The following SOX30 variants were observed in gnomAD, a reference collection of about 807,000 sequenced individuals.
The protein encoded by SOX30 is SRY-box transcription factor 30.
In SOX30, 17 loss-of-function variants were observed where a neutral mutation model predicts 58.6. The ratio of observed to expected loss-of-function variants is 0.29; its 90% confidence interval spans 0.20 to 0.44. The LOEUF (loss-of-function observed/expected upper bound fraction) is 0.44. Among genes scored for constraint, SOX30 ranks in the 20% least tolerant of loss-of-function variants. The pLI is 1.00. For synonymous variants in SOX30, 421 were observed against 400.2 expected, an observed-to-expected ratio of 1.05 and a Z score of -0.62; for missense variants, 951 against 965.8, an observed-to-expected ratio of 0.98 and a Z score of 0.20.
At chr5:157,636,208 G>T (rs1758924359) in intron 4 of SOX30, among the ~76,000 whole-genome samples, 1 of 152,192 alleles carries the variant, frequency 6.6e-6, no homozygotes, top group African/African-American at 2.4e-5. Flanking sequence ...CACCTATCCT[G>T]TGAGTAAATA....
intron 2 of SOX30, among the ~76,000 whole-genome samples, chr5:157,660,027 G>A (rs187207787): frequency 1.2e-4 from 19 of 152,150 alleles, no homozygotes; most frequent in African/African-American, 4.6e-4. Flanking sequence ...CTATGTTAAT[G>A]CTGGTCAGCT....
At chr5:157,651,051 A>G (rs1291563466) in intron 1 of SOX30, 61 bp downstream of exon 1, 1 of 1,306,090 alleles carries the variant, frequency 7.7e-7, no homozygotes, top group Non-Finnish European at 1.0e-6. Context: ...AACTGCTGAC[A>G]AAACAGCTAT....
chr5:157,664,493 A>G (rs1158869482), intron 2 of SOX30, among the ~76,000 whole-genome samples: 2 of 152,252 alleles, frequency 1.3e-5, no homozygotes, highest in Admixed American at 6.5e-5. Flanking sequence ...TAAAAACCCT[A>G]GAAGAAAACC....
rs1266891565 is a variant in SOX30 at position 157,651,601 on chromosome 5, G to C, written c.478C>G (p.Pro160Ala). 6.2e-7 allele frequency: 1 copy of C among 1,613,020 alleles called. No individual in the cohort carries two copies. The highest frequency in any genetic ancestry group is 1.1e-5 in the South Asian group (1 of 91,092). Residue 160 changes from proline (P) to alanine (A), a missense_variant, in exon 1 of 5, where the codon CCT becomes GCT. Transcript: ENST00000265007. The part of the protein sequence containing the change: ...VGPRGAVETG[P>A]RASRVVKLEG... ...AACTTGACCACCCTGGAGGCTCTAGGACCGGTTTCGACGGCCCCTCGAGGC... is the reference window on the plus strand; with the variant it reads ...AACTTGACCACCCTGGAGGCTCTAGCACCGGTTTCGACGGCCCCTCGAGGC...
At chr5:157,630,395 T>C (rs1313731655) in intron 4 of SOX30, among the ~76,000 whole-genome samples, 1 of 152,214 alleles carries the variant, frequency 6.6e-6, no homozygotes, top group African/African-American at 2.4e-5. Context: ...CTGGATGTTT[T>C]GAATATTATA....
intron 2 of SOX30, among the ~76,000 whole-genome samples, chr5:157,665,767 T>G (rs1434026309): frequency 6.6e-6 from 1 of 150,836 alleles, no homozygotes; most frequent in Non-Finnish European, 1.5e-5. Flanking sequence ...TGACATCTAT[T>G]GTGTATTATT....
Position 157,638,445 on chromosome 5 carries a change from G to A in SOX30, c.1665C>T (p.Ala555=). ...GTTGGATGGTCGAAGTTGCAAATCTGGCATGGGCAGTACTTGCACTACTTG... is the reference window on the plus strand; with the variant it reads ...GTTGGATGGTCGAAGTTGCAAATCTAGCATGGGCAGTACTTGCACTACTTG... ...RISSSASTAH[A]RFATSTIQPP... The change falls in exon 4 of 5, where the codon GCC becomes GCT. Residue 555 remains alanine (A), a synonymous_variant. Transcript: ENST00000265007. The A allele has an allele frequency of 6.2e-7, 1 of 1,614,176 alleles. No homozygotes were observed. Among genetic ancestry groups the A allele is most frequent in the Non-Finnish European group, 8.5e-7 (1 of 1,180,012 alleles).
intron 4 of SOX30, among the ~76,000 whole-genome samples, chr5:157,631,764 CAA>C (rs70984477): frequency 6.0e-3 from 509 of 84,616 alleles, no homozygotes; most frequent in Non-Finnish European, 0.01. Context: ...GAACTCGTCT[CAA>C]AAAAAAAAAA....
At chr5:157,627,963 C>T (rs1301636409) in intron 4 of SOX30, among the ~76,000 whole-genome samples, 1 of 150,846 alleles carries the variant, frequency 6.6e-6, no homozygotes, top group African/African-American at 2.4e-5. Context: ...CACCACACTC[C>T]AGCCTGGGTG....
Position 157,667,726 on chromosome 5 carries a change from G to A in SOX30, c.52+72C>T, listed in dbSNP as rs1343646601. ...TGCCCTCCAGCCTGGGCGACAGAGC[G>A]AGACTCCATCTCAGAATACATACAT... On this transcript the variant is annotated intron_variant, in intron 2 of 5. Coordinates refer to the SOX30 transcript ENST00000519442. 18 of 1,511,502 alleles carry A rather than the reference G, an allele frequency of 1.2e-5. No individual in the cohort carries two copies. In the Admixed American group the frequency reaches 2.3e-4, roughly 19 times the overall value. 93.6% of individuals were successfully genotyped at this position (1,511,502 alleles called of 1,614,324 possible).
At chr5:157,632,957 C>T (rs1181607939) in intron 4 of SOX30, among the ~76,000 whole-genome samples, 2 of 151,672 alleles carry the variant, frequency 1.3e-5, no homozygotes, top group African/African-American at 4.8e-5. Context: ...GGCATGGTAG[C>T]ATGTACCTGT....
At position 157,651,844 on chromosome 5, in the gene SOX30, A is replaced by G. The variant is rs1367537341; in HGVS notation, c.235T>C (p.Leu79=). The change falls in exon 1 of 5, where the codon TTG becomes CTG. Residue 79 remains leucine (L), a synonymous_variant. Transcript: ENST00000265007. ...RLLQVKPEQV[L]LLPQPQAQNE... ...TGGGCCTGAGGCTGTGGTAGCAGCA[A>G]CACCTGCTCTGGCTTCACCTGCAGC... is the stretch of plus-strand genomic sequence containing the variant. The G allele has an allele frequency of 2.5e-6, 4 of 1,584,156 alleles. No individual in the cohort carries two copies. The African/African-American group carries it at 5.4e-5, about 21-fold the overall frequency.
rs7731627 is a variant in SOX30, at chr5:157,663,986, A to G, written c.52+3812T>C. Among the ~76,000 whole-genome samples, 1,300 of 152,116 alleles carry G rather than the reference A, an allele frequency of 8.5e-3. 14 individuals are homozygous for G. Among genetic ancestry groups the G allele is most frequent in the African/African-American group, 0.029 (1,206 of 41,462 alleles). Reference sequence around the variant, plus strand: ...ATGAAAGAACATTCCATGCTCATGGATAGGAAGAATCAATATCATGAAAAT... The same window carrying G: ...ATGAAAGAACATTCCATGCTCATGGGTAGGAAGAATCAATATCATGAAAAT... On this transcript the variant is annotated intron_variant, in intron 2 of 5. Transcript: ENST00000519442.
intron 3 of SOX30, among the ~76,000 whole-genome samples, chr5:157,643,129 A>G (rs990859916): frequency 1.8e-4 from 28 of 152,080 alleles, no homozygotes; most frequent in Non-Finnish European, 4.0e-4. Context: ...AACAACAACA[A>G]CAACAAACCT....
In SOX30 at chr5:157,625,694, GTTTA is replaced by G. The variant is rs1471380024; in HGVS notation, c.*642_*645del. ...ATCCAACAAGAACAATTTTATCTAT[GTTTA>G]TTTAATTACAACAAAGAACGATGTA... On this transcript the variant is annotated 3_prime_UTR_variant, in exon 5 of 5. Coordinates refer to ENST00000265007, the MANE Select transcript of SOX30 (RefSeq NM_178424.2). 2.0e-5 allele frequency: 3 copies of G among 152,442 alleles called. No homozygotes were observed. Among genetic ancestry groups the G allele is most frequent in the African/African-American group, 7.2e-5 (3 of 41,404 alleles). 9.4% of individuals were successfully genotyped at this position (152,442 alleles called of 1,614,324 possible). A position where few individuals can be genotyped will look rare whatever the true frequency, so the allele number is the denominator to read the frequency against.
At chr5:157,629,009 C>A (rs544179648) in intron 4 of SOX30, among the ~76,000 whole-genome samples, 117 of 152,224 alleles carry the variant, frequency 7.7e-4, no homozygotes, top group Admixed American at 2.1e-3. Context: ...TTGAATTCCA[C>A]AGATAATTCA....
chr5:157,638,545 T>A lies in SOX30; in HGVS notation c.1565A>T (p.His522Leu). The part of the protein sequence containing the change: ...RFTGPSQTDT[H>L]QLHSEATHTV... ...GTGAGTGGCTTCAGAATGCAGCTGA[T>A]GAGTGTCTGTTTGGGAAGGCCCAGT... The change falls in exon 4 of 5, where the codon CAT becomes CTT. Residue 522 changes from histidine to leucine, a missense_variant. His to Leu is a moderately conservative substitution (Grantham distance 99). Coordinates refer to ENST00000265007, the MANE Select transcript of SOX30 (RefSeq NM_178424.2). 6.2e-7 allele frequency: 1 copy of A among 1,614,116 alleles called. No individual in the cohort carries two copies. Among genetic ancestry groups the A allele is most frequent in the Non-Finnish European group, 8.5e-7 (1 of 1,180,022 alleles).
rs35793864 is a variant in SOX30, at chr5:157,638,298, G to C, written c.1812C>G (p.Phe604Leu). 2 of 1,603,312 alleles carry C rather than the reference G, an allele frequency of 1.2e-6. No homozygotes were observed. The highest frequency in any genetic ancestry group is 3.4e-5 in the Admixed American group (2 of 59,434). The part of the protein sequence containing the change: ...PPPLGHPATL[F>L]GTPPRFSFHH... ...GAAAAGAGAATCTTGGTGGTGTCCC[G>C]AACAGTGTGGCTGGATGGCCAAGGG... Residue 604 changes from phenylalanine (F) to leucine (L), a missense_variant, in exon 4 of 5, where the codon TTC becomes TTG. Phe to Leu is a conservative substitution (Grantham distance 22). Coordinates refer to ENST00000265007, the MANE Select transcript of SOX30 (RefSeq NM_178424.2).
chr5:157,657,663 T>G (rs1482676721), intron 2 of SOX30, among the ~76,000 whole-genome samples: 1 of 152,218 alleles, frequency 6.6e-6, no homozygotes, highest in Non-Finnish European at 1.5e-5. Flanking sequence ...CAAGGAAACT[T>G]ATCTTTTGAG....
Sources: allele counts gnomAD v4.1 joint callset (sites outside exome capture counted in the v4.1 genomes callset), GRCh38; gene constraint gnomAD v4.1.1; transcripts MANE v1.5; gene names NCBI Gene and HGNC (gene_info 2026-07-23, HGNC 2026-07-21).